The following KLHL32 variants were observed in gnomAD, a reference collection of about 807,000 sequenced individuals.
The protein encoded by KLHL32 is kelch like family member 32.
In KLHL32, 35 loss-of-function variants were observed where a neutral mutation model predicts 64.8. The ratio of observed to expected loss-of-function variants is 0.54; its 90% CI spans 0.41 to 0.72. KLHL32 has a LOEUF of 0.72. KLHL32 is among the 30% of genes least tolerant of loss of function. The pLI is 0.00. For synonymous variants in KLHL32, 259 were observed against 281.0 expected (o/e 0.92, Z 0.78); for missense variants, 589 against 768.5 (o/e 0.77, Z 2.76).
At chr6:97,018,691 T>G (rs1781578185) in intron 3 of KLHL32, among the ~76,000 whole-genome samples, 1 of 151,888 alleles carries the variant, frequency 6.6e-6, no homozygotes, top group Admixed American at 6.6e-5. Context: ...AAAACATATG[T>G]GTAACAATAT....
rs56061664 is a variant in KLHL32, at chr6:97,132,869, G to A, written c.1701+122G>A. ...AAAGAGGCTTAACGTCCCGTTTTTT[G>A]TGCAACTAGTTCAGCCACTAAACTT... is the stretch of plus-strand genomic sequence containing the variant. On this transcript the variant is annotated intron_variant, in intron 10 of 10. Coordinates refer to ENST00000369261, the MANE Select transcript of KLHL32 (RefSeq NM_052904.4). The A allele has an allele frequency of 1.8e-3, 1,103 of 625,164 alleles. 3 individuals carry two copies. The highest frequency in any genetic ancestry group is 2.7e-3 in the Non-Finnish European group (980 of 368,016). The allele number at this position is 625,164 out of a possible 1,614,324, so 38.7% of individuals were successfully genotyped here. A position where few individuals can be genotyped will look rare whatever the true frequency, so the allele number is the denominator to read the frequency against.
intron 6 of KLHL32, among the ~76,000 whole-genome samples, chr6:97,097,119 GA>G (rs1000365185): frequency 2.2e-4 from 34 of 152,138 alleles, no homozygotes; most frequent in Middle Eastern, 3.4e-3. Context: ...ATAAGGGAGG[GA>G]AAAAAACCAC....
chr6:96,982,293 C>A (rs1195057379), intron 3 of KLHL32, among the ~76,000 whole-genome samples: 13 of 152,292 alleles, frequency 8.5e-5, no homozygotes, highest in African/African-American at 2.9e-4. Context: ...TGACCCTTTA[C>A]CATTAGGTAA....
chr6:96,949,473 CA>C (rs1772313578), intron 1 of KLHL32, among the ~76,000 whole-genome samples: 1 of 152,174 alleles, frequency 6.6e-6, no homozygotes, highest in South Asian at 2.1e-4. Flanking sequence ...TTTCTTTCCA[CA>C]GATGTAGACT....
intron 6 of KLHL32, among the ~76,000 whole-genome samples, chr6:97,087,665 C>T (rs1793624753): frequency 6.6e-6 from 1 of 152,140 alleles, no homozygotes; most frequent in South Asian, 2.1e-4. Flanking sequence ...TATGTGCAAC[C>T]AGTAACTTAG....
At chr6:96,969,512 T>A (rs1323274981) in intron 2 of KLHL32, among the ~76,000 whole-genome samples, 2 of 152,178 alleles carry the variant, frequency 1.3e-5, no homozygotes, top group East Asian at 3.9e-4. Flanking sequence ...CCAATCCAGA[T>A]GAACCGATCT....
At chr6:96,998,752 A>AT (rs1315267301) in intron 3 of KLHL32, among the ~76,000 whole-genome samples, 3 of 152,324 alleles carry the variant, frequency 2.0e-5, no homozygotes, top group African/African-American at 4.8e-5. Context: ...ATTCTTGCAT[A>AT]TTTGCACATG....
intron 3 of KLHL32, among the ~76,000 whole-genome samples, chr6:97,002,676 C>T (rs1231413750): frequency 1.3e-5 from 2 of 152,148 alleles, no homozygotes; most frequent in African/African-American, 4.8e-5. Flanking sequence ...TTCTTTGTGT[C>T]CATGTGTACT....
chr6:96,983,981 A>G (rs1464634535), intron 3 of KLHL32, among the ~76,000 whole-genome samples: 2 of 152,030 alleles, frequency 1.3e-5, no homozygotes, highest in African/African-American at 2.4e-5. Flanking sequence ...TAGGGTGTCA[A>G]TTTTAGATCT....
At chr6:96,903,618 A>G in the KLHL32 span, among the ~76,000 whole-genome samples, 2 of 152,184 alleles carry the variant, frequency 1.3e-5, no homozygotes, top group Non-Finnish European at 2.9e-5. Flanking sequence ...AGATATCTCA[A>G]TCCCACCACC....
At chr6:97,088,968 T>C (rs1039645128) in intron 6 of KLHL32, among the ~76,000 whole-genome samples, 11 of 152,198 alleles carry the variant, frequency 7.2e-5, no homozygotes, top group South Asian at 6.2e-4. Context: ...GAAGTACAAT[T>C]TGTAGAAAAA....
intron 6 of KLHL32, among the ~76,000 whole-genome samples, chr6:97,097,315 A>G (rs978111203): frequency 1.3e-5 from 2 of 152,156 alleles, no homozygotes; most frequent in Non-Finnish European, 2.9e-5. Context: ...TGATGGCACA[A>G]TTATTCTGAC....
At chr6:96,939,311 G>C (rs1770993906) in intron 1 of KLHL32, among the ~76,000 whole-genome samples, 1 of 152,226 alleles carries the variant, frequency 6.6e-6, no homozygotes, top group African/African-American at 2.4e-5. Context: ...CTGGGCATCT[G>C]TCAAGTGTCA....
chr6:96,925,006 G>C lies in KLHL32; in HGVS notation c.-86G>C, dbSNP rs1322495523. 6.6e-6 allele frequency: 1 copy of C among 152,322 alleles called. No homozygotes were observed. Among genetic ancestry groups the C allele is most frequent in the Non-Finnish European group, 1.5e-5 (1 of 68,134 alleles). The allele number at this position is 152,322 out of a possible 1,614,324, so 9.4% of individuals were successfully genotyped here. A position where few individuals can be genotyped will look rare whatever the true frequency, so the allele number is the denominator to read the frequency against. On this transcript the variant is annotated 5_prime_UTR_variant, in exon 1 of 11. Coordinates refer to ENST00000369261, the MANE Select transcript of KLHL32 (RefSeq NM_052904.4). ...GCTGCCGTCTCTGGCACCTAACCCA[G>C]CAGACCGCTCACCCCATCGGGTAAG... is the stretch of plus-strand genomic sequence containing the variant.
chr6:97,123,122 T>A (rs1798532619), intron 7 of KLHL32, among the ~76,000 whole-genome samples: 1 of 149,894 alleles, frequency 6.7e-6, no homozygotes, highest in African/African-American at 2.4e-5. Flanking sequence ...TTTTTGTCGT[T>A]AAAAAAAAAA....
rs1044669856 is a variant in KLHL32 at position 96,976,259 on chromosome 6, G to T, written c.204+82G>T. 8.5e-6 allele frequency: 11 copies of T among 1,290,804 alleles called. No individual in the cohort carries two copies. The African/African-American group carries it at 1.5e-4, about 17-fold the overall frequency. 80.0% of individuals were successfully genotyped at this position (1,290,804 alleles called of 1,614,324 possible). A position where few individuals can be genotyped will look rare whatever the true frequency, so the allele number is the denominator to read the frequency against. Reference sequence around the variant, plus strand: ...TTCCCAAACTGTCACTAAACCAGGAGCCAATTAGGTGGTACCCCCAGAGCT... The same window carrying T: ...TTCCCAAACTGTCACTAAACCAGGATCCAATTAGGTGGTACCCCCAGAGCT... On this transcript the variant is annotated intron_variant, in intron 3 of 10. Transcript: ENST00000369261.
intron 2 of KLHL32, among the ~76,000 whole-genome samples, chr6:96,972,095 G>T (rs527419138): frequency 1.3e-5 from 2 of 152,002 alleles, no homozygotes; most frequent in Non-Finnish European, 2.9e-5. Flanking sequence ...CAGATGATCC[G>T]CCCACTTTGG....
At position 97,139,342 on chromosome 6, in the gene KLHL32, GAA is replaced by G; in HGVS notation, c.*63_*64del. On this transcript the variant is annotated 3_prime_UTR_variant, in exon 11 of 11. Transcript: ENST00000369261. Reference sequence around the variant, plus strand: ...GCTCTGACTGTTGGATACTGGGCATGAAAAGACTCAGTGCTCCATGCTTCCTT... The same window carrying G: ...GCTCTGACTGTTGGATACTGGGCATGAAGACTCAGTGCTCCATGCTTCCTT... 7.1e-7 allele frequency: 1 copy of G among 1,415,498 alleles called. No homozygotes were observed. The highest frequency in any genetic ancestry group is 9.7e-7 in the Non-Finnish European group (1 of 1,026,466). The allele number at this position is 1,415,498 out of a possible 1,614,324, so 87.7% of individuals were successfully genotyped here. A position where few individuals can be genotyped will look rare whatever the true frequency, so the allele number is the denominator to read the frequency against.
chr6:96,902,273 A>G, the KLHL32 span, among the ~76,000 whole-genome samples: 1 of 151,864 alleles, frequency 6.6e-6, no homozygotes, highest in Non-Finnish European at 1.5e-5. Flanking sequence ...TTTTGTTTTG[A>G]CATTTTAATA....
Sources: gnomAD v4.1 joint callset for allele counts (sites outside exome capture counted in the v4.1 genomes callset) on GRCh38, gnomAD v4.1.1 for gene constraint, MANE v1.5 for transcripts, NCBI Gene and HGNC (gene_info 2026-07-23, HGNC 2026-07-21) for gene names.